The following B4GALT6 variants were observed in gnomAD, a reference collection of about 807,000 sequenced individuals.
B4GALT6 encodes UDP-Gal:beta-GlcNAc beta-1,4-galactosyltransferase 6.
Under a neutral mutation model 46.3 loss-of-function variants are expected in B4GALT6, and 14 were observed. The observed-to-expected ratio is 0.30, with a 90% CI of 0.20 to 0.47. B4GALT6 has a LOEUF of 0.47. B4GALT6 is among the 20% of genes least tolerant of loss of function. The pLI, the probability that B4GALT6 is intolerant of heterozygous loss-of-function variation, is 0.99. For synonymous variants in B4GALT6, 168 were observed against 162.0 expected (o/e 1.04, Z -0.28); for missense variants, 386 against 480.1 (o/e 0.80, Z 1.83).
chr18:31,714,052 G>T, the B4GALT6 span, among the ~76,000 whole-genome samples: 1 of 152,188 alleles, frequency 6.6e-6, no homozygotes, highest in African/African-American at 2.4e-5. Context: ...AGTGGCTCTA[G>T]TATGGACTTG....
At chr18:31,642,441 C>T (rs1437549920) in intron 4 of B4GALT6, among the ~76,000 whole-genome samples, 2 of 152,196 alleles carry the variant, frequency 1.3e-5, no homozygotes, top group African/African-American at 2.4e-5. Flanking sequence ...AACTCCAGGC[C>T]TCTGGGTAGA....
chr18:31,696,993 G>A, the B4GALT6 span, among the ~76,000 whole-genome samples: 55 of 152,274 alleles, frequency 3.6e-4, no homozygotes, highest in African/African-American at 1.2e-3. Flanking sequence ...TAGGCCAGGC[G>A]CGGTGGCTCA....
At chr18:31,684,066 G>A (rs148764289) in intron 1 of B4GALT6, among the ~76,000 whole-genome samples, 28 of 152,294 alleles carry the variant, frequency 1.8e-4, no homozygotes, top group African/African-American at 6.5e-4. Flanking sequence ...ATTTTGCTAC[G>A]TCTATTTAAT....
chr18:31,699,658 A>C, the B4GALT6 span, among the ~76,000 whole-genome samples: 2 of 139,630 alleles, frequency 1.4e-5, no homozygotes, highest in East Asian at 4.3e-4. Context: ...AAAAAAAAAA[A>C]CCTGCTATAC....
chr18:31,698,545 C>T, the B4GALT6 span, among the ~76,000 whole-genome samples: 1 of 151,914 alleles, frequency 6.6e-6, no homozygotes, highest in Non-Finnish European at 1.5e-5. Context: ...GAAGGAGAAT[C>T]TCTTGAACCC....
chr18:31,708,939 TTCTG>T, the B4GALT6 span, among the ~76,000 whole-genome samples: 1 of 152,320 alleles, frequency 6.6e-6, no homozygotes, highest in Non-Finnish European at 1.5e-5. Flanking sequence ...TTGTCAGTGC[TTCTG>T]TCTATGTACT....
Position 31,638,768 on chromosome 18 carries a change from A to C in B4GALT6, c.472-8T>G. ...AGGAATGAGAACTGCCACCTTTAAA[A>C]CAAAATAGTCATGTATGTAAATAAA... On this transcript the variant is annotated splice_region_variant and splice_polypyrimidine_tract_variant and intron_variant, in intron 4 of 8. Transcript: ENST00000306851. The C allele has an allele frequency of 6.3e-7, 1 of 1,583,006 alleles. No homozygotes were observed. The highest frequency in any genetic ancestry group is 8.7e-7 in the Non-Finnish European group (1 of 1,151,742).
intron 5 of B4GALT6, among the ~76,000 whole-genome samples, chr18:31,638,397 G>T (rs1328699810): frequency 6.6e-6 from 1 of 152,038 alleles, no homozygotes; most frequent in African/African-American, 2.4e-5. Context: ...CGTGGTGGCG[G>T]GTGCCTGTAG....
Position 31,661,055 on chromosome 18 carries a change from G to A in B4GALT6, c.233-2966C>T, listed in dbSNP as rs183046605. Among the ~76,000 whole-genome samples, 441 of 152,196 alleles carry A rather than the reference G, an allele frequency of 2.9e-3. 2 individuals carry two copies. The highest frequency in any genetic ancestry group is 0.01 in the African/African-American group (417 of 41,520). On this transcript the variant is annotated intron_variant, in intron 2 of 8. Transcript: ENST00000306851. Reference sequence around the variant, plus strand: ...GGGAAAATCAGCGATAGATTAAGACGGCTCTGCAAATTGGGGGGAAAAAGA... The same window carrying A: ...GGGAAAATCAGCGATAGATTAAGACAGCTCTGCAAATTGGGGGGAAAAAGA...
At chr18:31,633,381 T>C (rs2073815600) in intron 5 of B4GALT6, among the ~76,000 whole-genome samples, 1 of 151,910 alleles carries the variant, frequency 6.6e-6, no homozygotes, top group South Asian at 2.1e-4. Flanking sequence ...TAGGTCAGCA[T>C]ACATTAATAT....
At chr18:31,652,614 A>G (rs2074085657) in intron 3 of B4GALT6, among the ~76,000 whole-genome samples, 1 of 152,138 alleles carries the variant, frequency 6.6e-6, no homozygotes, top group Admixed American at 6.5e-5. Flanking sequence ...ACTTCAAACA[A>G]AACGGCCCAA....
chr18:31,687,008 A>T (rs2029947485), upstream of B4GALT6, among the ~76,000 whole-genome samples: 1 of 152,230 alleles, frequency 6.6e-6, no homozygotes, highest in Non-Finnish European at 1.5e-5. Flanking sequence ...ATTCATCTAT[A>T]AGAAATCTGA....
intron 2 of B4GALT6, among the ~76,000 whole-genome samples, chr18:31,662,247 G>A (rs571217562): frequency 3.0e-4 from 46 of 152,196 alleles, no homozygotes; most frequent in Middle Eastern, 3.4e-3. Flanking sequence ...CTAAACATCT[G>A]CTATTCTTGG....
At chr18:31,626,515 T>C (rs771658989) in intron 7 of B4GALT6, 131 bp from the exon 8 acceptor site, 3 of 521,754 alleles carry the variant, frequency 5.7e-6, no homozygotes, top group Non-Finnish European at 1.0e-5. Flanking sequence ...CAAACCAGTA[T>C]AGGTCCATGG....
intron 3 of B4GALT6, among the ~76,000 whole-genome samples, chr18:31,655,644 A>C (rs2074129466): frequency 6.6e-6 from 1 of 152,234 alleles, no homozygotes; most frequent in Admixed American, 6.5e-5. Context: ...CTAATTAAAG[A>C]AAATGGCAAC....
At chr18:31,692,009 T>C in the B4GALT6 span, among the ~76,000 whole-genome samples, 1 of 152,180 alleles carries the variant, frequency 6.6e-6, no homozygotes, top group Non-Finnish European at 1.5e-5. Flanking sequence ...TGGAAGCACC[T>C]GGCAACATTA....
chr18:31,717,447 T>C, the B4GALT6 span, among the ~76,000 whole-genome samples: 1 of 152,162 alleles, frequency 6.6e-6, no homozygotes. Context: ...TATGTATACT[T>C]GTGAAAACTT....
At chr18:31,717,669 T>A in the B4GALT6 span, among the ~76,000 whole-genome samples, 4 of 152,086 alleles carry the variant, frequency 2.6e-5, no homozygotes, top group Non-Finnish European at 5.9e-5. Flanking sequence ...AAAAATATGA[T>A]ATTGGCGGGA....
intron 1 of B4GALT6, among the ~76,000 whole-genome samples, chr18:31,682,709 T>C (rs1283149856): frequency 1.3e-5 from 2 of 152,112 alleles, no homozygotes; most frequent in Non-Finnish European, 2.9e-5. Context: ...AGTGGGAAAA[T>C]TGTTATGTAA....
Sources: gnomAD v4.1 joint callset for allele counts (sites outside exome capture counted in the v4.1 genomes callset) on GRCh38, gnomAD v4.1.1 for gene constraint, MANE v1.5 for transcripts, NCBI Gene and HGNC (gene_info 2026-07-23, HGNC 2026-07-21) for gene names.